Variants in NARS2 observed in about 807,000 individuals in gnomAD.
The protein encoded by NARS2 is asparaginyl-tRNA synthetase 2, mitochondrial.
A neutral mutation model predicts 62.9 loss-of-function variants in NARS2; 60 were observed. That is an observed-to-expected ratio of 0.95 (90% confidence interval 0.77 to 1.18). The LOEUF (loss-of-function observed/expected upper bound fraction) is 1.18. NARS2 is among the 50% of genes most tolerant of loss of function. NARS2 has a pLI of 0.00. For missense variants in NARS2, 619 were observed against 576.4 expected (o/e 1.07, Z -0.76); for synonymous variants, 196 against 200.0 (o/e 0.98, Z 0.17).
chr11:78,491,405 G>C (rs1591199140), intron 7 of NARS2, among the ~76,000 whole-genome samples: 3 of 152,386 alleles, frequency 2.0e-5, no homozygotes, highest in Non-Finnish European at 4.4e-5. Context: ...CCCCTTCAGG[G>C]CCAAGTGCCC....
chr11:78,545,524 CTTTTTTT>C (rs888860047), intron 5 of NARS2, among the ~76,000 whole-genome samples: 2 of 134,860 alleles, frequency 1.5e-5, no homozygotes, highest in South Asian at 2.3e-4. Flanking sequence ...ATGCTTTTTC[CTTTTTTT>C]TTTTTTTTTT....
At chr11:78,531,446 T>G (rs1250891252) in intron 5 of NARS2, among the ~76,000 whole-genome samples, 2 of 152,204 alleles carry the variant, frequency 1.3e-5, no homozygotes, top group African/African-American at 4.8e-5. Context: ...GAAAAAAGTT[T>G]GGTGGTTCCT....
At chr11:78,516,879 T>C (rs1270595599) in intron 6 of NARS2, among the ~76,000 whole-genome samples, 1 of 152,112 alleles carries the variant, frequency 6.6e-6, no homozygotes. Context: ...GTCAAAGCTA[T>C]AAAGAAATAA....
intron 5 of NARS2, among the ~76,000 whole-genome samples, chr11:78,543,117 G>T (rs1855694042): frequency 6.6e-6 from 1 of 152,154 alleles, no homozygotes; most frequent in Non-Finnish European, 1.5e-5. Flanking sequence ...GGCAGAGGTT[G>T]CAGTGGGCTG....
chr11:78,519,821 T>C (rs1038874348), intron 6 of NARS2, among the ~76,000 whole-genome samples: 24 of 151,862 alleles, frequency 1.6e-4, no homozygotes, highest in African/African-American at 5.6e-4. Context: ...CTGCCTCAGC[T>C]TCCCGAGTAG....
intron 5 of NARS2, among the ~76,000 whole-genome samples, chr11:78,531,393 G>C (rs931022212): frequency 6.6e-6 from 1 of 152,070 alleles, no homozygotes; most frequent in Non-Finnish European, 1.5e-5. Context: ...GATAACTATG[G>C]AACGAAACTA....
intron 3 of NARS2, 33 bp from the exon 4 acceptor site, chr11:78,566,305 CAA>C (rs765836140): frequency 6.5e-6 from 10 of 1,539,572 alleles, no homozygotes; most frequent in Non-Finnish European, 8.8e-6. Context: ...AATTAGAAGT[CAA>C]AAGAGATACT....
At chr11:78,534,377 G>A (rs374313149) in intron 5 of NARS2, among the ~76,000 whole-genome samples, 12 of 152,142 alleles carry the variant, frequency 7.9e-5, no homozygotes, top group South Asian at 4.2e-4. Flanking sequence ...CATTTTCTAC[G>A]GATCACATGG....
At chr11:78,481,003 T>C (rs910576768) in intron 7 of NARS2, among the ~76,000 whole-genome samples, 4 of 151,936 alleles carry the variant, frequency 2.6e-5, no homozygotes, top group African/African-American at 9.7e-5. Context: ...AATTTTTTTG[T>C]AGAGACAGGA....
intron 5 of NARS2, among the ~76,000 whole-genome samples, chr11:78,554,609 G>C (rs10793329): frequency 0.65 from 98,741 of 151,476 alleles, 35,270 homozygotes; most frequent in Non-Finnish European, 0.81. Context: ...AGTGATTTTT[G>C]TATACTGATT....
At chr11:78,552,937 A>G (rs1233689326) in intron 5 of NARS2, among the ~76,000 whole-genome samples, 1 of 152,204 alleles carries the variant, frequency 6.6e-6, no homozygotes, top group Non-Finnish European at 1.5e-5. Context: ...GGGCTTCACA[A>G]TGATAAAATG....
At chr11:78,527,955 T>C (rs1861349492) in intron 6 of NARS2, among the ~76,000 whole-genome samples, 1 of 152,022 alleles carries the variant, frequency 6.6e-6, no homozygotes, top group Non-Finnish European at 1.5e-5. Context: ...CAAAAAATTT[T>C]AAAAATTAGC....
chr11:78,446,587 T>C (rs545043044), intron 11 of NARS2, among the ~76,000 whole-genome samples: 1 of 152,150 alleles, frequency 6.6e-6, no homozygotes, highest in Non-Finnish European at 1.5e-5. Flanking sequence ...TGGAAAAGAA[T>C]AGTCAACCAG....
intron 2 of NARS2, among the ~76,000 whole-genome samples, chr11:78,569,862 T>C (rs1307653769): frequency 6.6e-6 from 1 of 152,196 alleles, no homozygotes; most frequent in Non-Finnish European, 1.5e-5. Flanking sequence ...ACTGATATAA[T>C]CAAAACAATT....
rs186912216 is a variant in NARS2, at chr11:78,450,507, T to G, written c.1165-6749A>C. On this transcript the variant is annotated intron_variant, in intron 11 of 13. Transcript: ENST00000281038. Reference sequence around the variant, plus strand: ...GTGGTCAGTCTCCTACATGTTTCCTTGACAAGAGTGCAAAGTTGCTTCCCC... The same window carrying G: ...GTGGTCAGTCTCCTACATGTTTCCTGGACAAGAGTGCAAAGTTGCTTCCCC... Among the ~76,000 whole-genome samples, 3 of 152,258 alleles carry G rather than the reference T, an allele frequency of 2.0e-5. No individual in the cohort carries two copies. The East Asian group carries it at 5.8e-4, about 29-fold the overall frequency.
intron 5 of NARS2, among the ~76,000 whole-genome samples, chr11:78,532,141 C>T (rs945365324): frequency 3.3e-5 from 5 of 152,028 alleles, no homozygotes; most frequent in Admixed American, 6.6e-5. Context: ...TGTAATCTTA[C>T]GTACTTATGG....
intron 9 of NARS2, among the ~76,000 whole-genome samples, chr11:78,476,770 T>G (rs912780337): frequency 1.3e-5 from 2 of 152,078 alleles, no homozygotes; most frequent in African/African-American, 4.8e-5. Context: ...CTTAACATTT[T>G]ATGGACAAGG....
At chr11:78,481,146 A>G (rs576218949) in intron 7 of NARS2, among the ~76,000 whole-genome samples, 16 of 152,316 alleles carry the variant, frequency 1.1e-4, no homozygotes, top group African/African-American at 3.6e-4. Flanking sequence ...TGTAAAAAAT[A>G]TAAGGTAAAC....
In NARS2 at chr11:78,574,389, G is replaced by T. The variant is rs532494846; in HGVS notation, c.100C>A (p.Leu34Ile). The change falls in exon 1 of 14, where the codon CTC (leucine) becomes ATC (isoleucine). Residue 34 changes from leucine to isoleucine, a missense_variant. Leu to Ile is a conservative substitution (Grantham distance 5). Transcript: ENST00000281038. Reference protein sequence around the residue: ...PSAKLSVRDALGAQNASGERI... With the variant: ...PSAKLSVRDAIGAQNASGERI... ...TCCCCACTCGCGTTCTGAGCCCCGAGAGCGTCCCGCACGCTCAGTTTGGCT... is the reference window on the plus strand; with the variant it reads ...TCCCCACTCGCGTTCTGAGCCCCGATAGCGTCCCGCACGCTCAGTTTGGCT... 6.2e-6 allele frequency: 10 copies of T among 1,614,222 alleles called. No homozygotes were observed. Among genetic ancestry groups the T allele is most frequent in the Middle Eastern group, 1.6e-4 (1 of 6,062 alleles).
Sources: gnomAD v4.1 joint callset for allele counts (sites outside exome capture counted in the v4.1 genomes callset) on GRCh38, gnomAD v4.1.1 for gene constraint, MANE v1.5 for transcripts, NCBI Gene and HGNC (gene_info 2026-07-23, HGNC 2026-07-21) for gene names.